The following RAB3GAP2 variants were observed in gnomAD, a reference collection of about 807,000 sequenced individuals.
RAB3GAP2 encodes the protein RAB3 GTPase activating non-catalytic protein subunit 2, also known as rab3 GTPase-activating protein non-catalytic subunit.
In RAB3GAP2, 87 loss-of-function variants were observed where a neutral mutation model predicts 185.3. The ratio of observed to expected loss-of-function variants is 0.47; its 90% CI spans 0.39 to 0.56. The LOEUF (loss-of-function observed/expected upper bound fraction) is 0.56. Among genes scored for constraint, RAB3GAP2 ranks in the 20% least tolerant of loss-of-function variants. The pLI is 0.00. For synonymous variants in RAB3GAP2, 554 were observed against 576.1 expected, an observed-to-expected ratio of 0.96 and a Z score of 0.55; for missense variants, 1,492 against 1,638.2, an observed-to-expected ratio of 0.91 and a Z score of 1.54.
intron 29 of RAB3GAP2, 105 bp from the exon 30 acceptor site, chr1:220,157,981 C>T: frequency 2.4e-6 from 2 of 841,584 alleles, no homozygotes; most frequent in South Asian, 2.9e-5. Context: ...GCTGACTTTC[C>T]ACACTGAATA....
At position 220,272,345 on chromosome 1, in the gene RAB3GAP2, G is replaced by T; in HGVS notation, c.-8C>A. On this transcript the variant is annotated 5_prime_UTR_variant, in exon 1 of 35. It adds an upstream start codon to the 5' untranslated region. Transcript: ENST00000358951. ...GACAATGGAGCAGGCCATGGCTCCA[G>T]GGAACCCCACTACGGCACTCACCTT... 1 of 1,596,406 alleles carries T rather than the reference G, an allele frequency of 6.3e-7. No individual in the cohort carries two copies. Among genetic ancestry groups the T allele is most frequent in the Non-Finnish European group, 8.6e-7 (1 of 1,168,008 alleles).
chr1:220,236,536 T>C (rs950050371), intron 1 of RAB3GAP2, among the ~76,000 whole-genome samples: 1 of 152,194 alleles, frequency 6.6e-6, no homozygotes, highest in African/African-American at 2.4e-5. Context: ...TATGTCCTAT[T>C]GAAAATCATT....
intron 1 of RAB3GAP2, chr1:220,267,589 G>A (rs1660252373): frequency 1.5e-6 from 2 of 1,369,036 alleles, no homozygotes; most frequent in Non-Finnish European, 2.1e-6. Flanking sequence ...TCCTCCTCAG[G>A]ATTATTTTCA....
rs1659980977 is a variant in RAB3GAP2, at chr1:220,253,704, T to G, written c.115+18519A>C. ...ACAAACAAGTGAAATACTTCATACA[T>G]TACAGTGGTTGGAATAAAAATTGGG... On this transcript the variant is annotated intron_variant, in intron 1 of 34. Transcript: ENST00000358951. The G allele has an allele frequency of 1.2e-5, 20 of 1,608,946 alleles. 1 individual carries two copies. In the East Asian group the frequency reaches 4.5e-4, roughly 36 times the overall value.
chr1:220,163,744 CATATATATATATATAT>C (rs373160821), intron 27 of RAB3GAP2, among the ~76,000 whole-genome samples: 1 of 122,990 alleles, frequency 8.1e-6, no homozygotes, highest in East Asian at 2.6e-4. Context: ...TAAATACATA[CATATATATATATATAT>C]ATATATATAT....
Position 220,151,092 on chromosome 1 carries a change from G to A in RAB3GAP2, c.*159C>T. 1.5e-6 allele frequency: 1 copy of A among 684,194 alleles called. No individual in the cohort carries two copies. Among genetic ancestry groups the A allele is most frequent in the South Asian group, 2.0e-5 (1 of 49,552 alleles). The allele number at this position is 684,194 out of a possible 1,614,324, so 42.4% of individuals were successfully genotyped here. On this transcript the variant is annotated 3_prime_UTR_variant, in exon 35 of 35. Coordinates refer to ENST00000358951, the MANE Select transcript of RAB3GAP2 (RefSeq NM_012414.4). ...AACCAAAGGAGTGGAATTTAGCCAG[G>A]GTTGCACTTTTTAAAAGTTGTATAT...
At chr1:220,203,705 T>C (rs1319509806) in intron 8 of RAB3GAP2, among the ~76,000 whole-genome samples, 3 of 152,190 alleles carry the variant, frequency 2.0e-5, no homozygotes, top group Non-Finnish European at 2.9e-5. Flanking sequence ...ATATTAATGG[T>C]GAGTATTTTA....
chr1:220,193,547 T>C (rs150705095), intron 12 of RAB3GAP2, among the ~76,000 whole-genome samples, 168 bp from the exon 13 acceptor site: 1 of 152,342 alleles, frequency 6.6e-6, no homozygotes, highest in East Asian at 1.9e-4. Flanking sequence ...ACATTTGTAA[T>C]ATAAAATACA....
chr1:220,242,998 GTTT>G (rs771716613), intron 1 of RAB3GAP2, among the ~76,000 whole-genome samples: 43 of 151,958 alleles, frequency 2.8e-4, no homozygotes, highest in Non-Finnish European at 5.0e-4. Context: ...ATTCATTTTC[GTTT>G]TTCAGGAAAC....
At chr1:220,213,081 G>A in intron 3 of RAB3GAP2, 113 bp from the exon 4 acceptor site, 1 of 704,846 alleles carries the variant, frequency 1.4e-6, no homozygotes, top group Non-Finnish European at 2.3e-6. Flanking sequence ...TAACAGTTGT[G>A]TATTAACTGA....
chr1:220,156,007 G>A (rs1029617757), intron 31 of RAB3GAP2, among the ~76,000 whole-genome samples: 2 of 151,008 alleles, frequency 1.3e-5, no homozygotes, highest in Non-Finnish European at 2.9e-5. Context: ...CTGAAGTGCA[G>A]TGGTGTGATC....
intron 1 of RAB3GAP2, among the ~76,000 whole-genome samples, chr1:220,238,322 A>G (rs1659632769): frequency 6.6e-6 from 1 of 152,204 alleles, no homozygotes; most frequent in Non-Finnish European, 1.5e-5. Context: ...CAAGTGCTCA[A>G]AACTACATGT....
intron 18 of RAB3GAP2, among the ~76,000 whole-genome samples, chr1:220,184,922 G>T (rs1305922371): frequency 4.6e-5 from 7 of 151,962 alleles, no homozygotes; most frequent in African/African-American, 1.7e-4. Flanking sequence ...TTGAAAAAGA[G>T]TCTCAAAATT....
intron 1 of RAB3GAP2, chr1:220,253,964 C>T (rs1659986381): frequency 1.2e-6 from 2 of 1,613,482 alleles, no homozygotes; most frequent in African/African-American, 1.3e-5. Context: ...ACCCCTCAGC[C>T]TCCTTGGAAG....
At chr1:220,212,498 A>C (rs1164249296) in intron 4 of RAB3GAP2, among the ~76,000 whole-genome samples, 2 of 150,530 alleles carry the variant, frequency 1.3e-5, no homozygotes, top group African/African-American at 4.8e-5. Context: ...TATTCTAAAA[A>C]ATTTTTTTTT....
chr1:220,163,272 A>G (rs1368329495), intron 27 of RAB3GAP2, among the ~76,000 whole-genome samples: 1 of 152,164 alleles, frequency 6.6e-6, no homozygotes, highest in African/African-American at 2.4e-5. Context: ...ATCACAGGCT[A>G]TGAGAAGCCA....
intron 1 of RAB3GAP2, among the ~76,000 whole-genome samples, chr1:220,240,010 ACAC>A (rs1659660773): frequency 6.6e-6 from 1 of 151,606 alleles, no homozygotes; most frequent in Admixed American, 6.6e-5. Context: ...AAAAAAAAGA[ACAC>A]CACATCATTC....
chr1:220,269,967 G>A (rs1660305086), intron 1 of RAB3GAP2, among the ~76,000 whole-genome samples: 1 of 152,130 alleles, frequency 6.6e-6, no homozygotes, highest in African/African-American at 2.4e-5. Flanking sequence ...ATCCTTCACA[G>A]CCAAGCTCCT....
In RAB3GAP2 at chr1:220,149,026, C is replaced by CACAT. The variant is rs1282779779; in HGVS notation, c.*2221_*2224dup. On this transcript the variant is annotated 3_prime_UTR_variant, in exon 35 of 35. Transcript: ENST00000358951. ...CTTCTCATCAATAACTACAAAGTACCACATACCTTTGTTTCAGAAACCACC... is the reference window on the plus strand; with the variant it reads ...CTTCTCATCAATAACTACAAAGTACCACATACATACCTTTGTTTCAGAAACCACC... 8 of 152,244 alleles carry CACAT rather than the reference C, an allele frequency of 5.3e-5. No individual in the cohort carries two copies. The East Asian group carries it at 1.2e-3, about 22-fold the overall frequency. The allele number at this position is 152,244 out of a possible 1,614,324, so 9.4% of individuals were successfully genotyped here. A position where few individuals can be genotyped will look rare whatever the true frequency, so the allele number is the denominator to read the frequency against.
Sources: gnomAD v4.1 joint callset for allele counts (sites outside exome capture counted in the v4.1 genomes callset) on GRCh38, gnomAD v4.1.1 for gene constraint, MANE v1.5 for transcripts, NCBI Gene and HGNC (gene_info 2026-07-23, HGNC 2026-07-21) for gene names.